The following LMAN2 variants were observed in gnomAD, a reference collection of about 807,000 sequenced individuals.
LMAN2 encodes the protein lectin, mannose binding 2, also known as vesicular integral-membrane protein VIP36.
In LMAN2, 22 loss-of-function variants were observed where a neutral mutation model predicts 39.3. The ratio of observed to expected loss-of-function variants is 0.56; its 90% CI spans 0.40 to 0.80. The LOEUF is 0.80. LMAN2 is among the 30% of genes least tolerant of loss of function. LMAN2 has a pLI of 0.00. For missense variants in LMAN2, 494 were observed against 505.4 expected, an observed-to-expected ratio of 0.98 and a Z score of 0.22; for synonymous variants, 207 against 207.8, an observed-to-expected ratio of 1.00 and a Z score of 0.03.
rs557912715 is a variant in LMAN2, at chr5:177,338,787, G to A, written c.316-182C>T. On this transcript the variant is annotated intron_variant, in intron 2 of 7. Coordinates refer to ENST00000303127, the MANE Select transcript of LMAN2 (RefSeq NM_006816.3). ...GACCCCTAAATGTTCTGGCCGTGAA[G>A]GGAAGAGACTGTTGGGCACCAGGTG... Among the ~76,000 whole-genome samples the A allele has an allele frequency of 2.6e-5, 4 of 152,368 alleles. No individual in the cohort carries two copies. In the South Asian group the frequency reaches 8.3e-4, roughly 32 times the overall value.
intron 2 of LMAN2, among the ~76,000 whole-genome samples, chr5:177,347,981 C>G (rs151154178): frequency 6.6e-6 from 1 of 152,040 alleles, no homozygotes; most frequent in African/African-American, 2.4e-5. Context: ...TTAAAAATAA[C>G]CCCATCTCCA....
chr5:177,348,728 A>ACAAAAAC (rs1761676246), intron 2 of LMAN2, among the ~76,000 whole-genome samples: 1 of 147,944 alleles, frequency 6.8e-6, no homozygotes, highest in African/African-American at 2.5e-5. Flanking sequence ...TACTAAAAAC[A>ACAAAAAC]CAAAAACTAG....
chr5:177,332,818 C>T lies in LMAN2; in HGVS notation c.911-572G>A, dbSNP rs891353659. ...CCACTGGTACGCTCCCTTGTACAGG[C>T]GGAGAGAAGACACTGACTTTCCCAA... On this transcript the variant is annotated intron_variant, in intron 7 of 7. Coordinates refer to ENST00000303127, the MANE Select transcript of LMAN2 (RefSeq NM_006816.3). The surrounding 1 kb of genome is among the most constrained non-coding windows in gnomAD (Gnocchi z 6.3). Among the ~76,000 whole-genome samples the T allele has an allele frequency of 6.6e-6, 1 of 152,168 alleles. No homozygotes were observed. The highest frequency in any genetic ancestry group is 2.4e-5 in the African/African-American group (1 of 41,444).
chr5:177,335,325 T>C (rs906527400), intron 6 of LMAN2, among the ~76,000 whole-genome samples: 4 of 152,184 alleles, frequency 2.6e-5, no homozygotes, highest in Admixed American at 2.0e-4. Context: ...AAAAATCCTT[T>C]CAGTTTTCAA....
At chr5:177,349,691 C>A (rs1372863892) in intron 2 of LMAN2, among the ~76,000 whole-genome samples, 1 of 152,158 alleles carries the variant, frequency 6.6e-6, no homozygotes, top group Admixed American at 6.5e-5. Context: ...ACTGTTTGCA[C>A]CTTGCTTTCA....
At chr5:177,348,423 A>G (rs1025329553) in intron 2 of LMAN2, among the ~76,000 whole-genome samples, 1 of 152,174 alleles carries the variant, frequency 6.6e-6, no homozygotes, top group African/African-American at 2.4e-5. Flanking sequence ...ACAGTGGCTC[A>G]CACCTGTAAT....
Position 177,337,877 on chromosome 5 carries a change from C to G in LMAN2, c.434-92G>C. The G allele has an allele frequency of 9.5e-7, 1 of 1,056,072 alleles. No homozygotes were observed. Among genetic ancestry groups the G allele is most frequent in the Non-Finnish European group, 1.4e-6 (1 of 696,690 alleles). The allele number at this position is 1,056,072 out of a possible 1,614,324, so 65.4% of individuals were successfully genotyped here. On this transcript the variant is annotated intron_variant, in intron 3 of 7. Coordinates refer to ENST00000303127, the MANE Select transcript of LMAN2 (RefSeq NM_006816.3). The surrounding 1 kb of genome is among the most constrained non-coding windows in gnomAD (Gnocchi z 8.2). The stretch of plus-strand genomic sequence containing the variant: ...CAAGCAATGCCAACATGGGTGGGGG[C>G]AAGAGAGCCCAACCCACTGGCCATT...
In LMAN2 at chr5:177,332,223, TC is replaced by T; in HGVS notation, c.933del (p.Asn312ThrfsTer7). 1 of 1,612,906 alleles carries T rather than the reference TC, an allele frequency of 6.2e-7. No individual in the cohort carries two copies. Among genetic ancestry groups the T allele is most frequent in the Non-Finnish European group, 8.5e-7 (1 of 1,179,768 alleles). Reference protein sequence around the residue: ...SPKDNVDDPTGNFRSGPLTGW... With the variant: ...SPKDNVDDPTXNFRSGPLTGW... The stretch of plus-strand genomic sequence containing the variant: ...CCCGTCAGGGGCCCGCTGCGGAAGT[TC>T]CCCGTGGGGTCGTCCACGTTGTCTG... On this transcript the variant is annotated frameshift_variant, in exon 8 of 8. Coordinates refer to ENST00000303127, the MANE Select transcript of LMAN2 (RefSeq NM_006816.3). LOFTEE classifies it high-confidence loss of function. This position sits in a 1 kb window ranked among gnomAD's most constrained non-coding sequence, Gnocchi z 6.3.
At chr5:177,333,853 C>T (rs1362520419) in intron 7 of LMAN2, among the ~76,000 whole-genome samples, 1 of 67,818 alleles carries the variant, frequency 1.5e-5, no homozygotes, top group South Asian at 4.2e-4. Flanking sequence ...ACCAGCAGCA[C>T]GACTTCTTCC....
At chr5:177,341,152 T>C (rs1420958637) in intron 2 of LMAN2, among the ~76,000 whole-genome samples, 1 of 149,550 alleles carries the variant, frequency 6.7e-6, no homozygotes, top group Non-Finnish European at 1.5e-5. Flanking sequence ...CTGCAACCTC[T>C]GCCTCCTGGG....
At chr5:177,348,976 A>G (rs946279543) in intron 2 of LMAN2, among the ~76,000 whole-genome samples, 8 of 152,168 alleles carry the variant, frequency 5.3e-5, no homozygotes, top group South Asian at 2.1e-4. Context: ...TAAAATGTCA[A>G]TATTTAAAAT....
chr5:177,346,460 T>C, intron 2 of LMAN2: 1 of 316,086 alleles, frequency 3.2e-6, no homozygotes, highest in Non-Finnish European at 5.5e-6. Flanking sequence ...TACCGGTTGT[T>C]GTTTTTTTTT....
chr5:177,342,981 C>T (rs768705847), intron 2 of LMAN2, among the ~76,000 whole-genome samples: 9 of 152,092 alleles, frequency 5.9e-5, no homozygotes, highest in Non-Finnish European at 8.8e-5. Context: ...AGGCCGGGCG[C>T]GGTGGCTCAT....
intron 6 of LMAN2, 191 bp from the exon 7 acceptor site, chr5:177,334,594 G>C (rs890277689): frequency 4.8e-6 from 3 of 628,844 alleles, no homozygotes; most frequent in Admixed American, 7.1e-5. Context: ...AAAAAGAGAG[G>C]AGGCAGAGTG....
intron 2 of LMAN2, among the ~76,000 whole-genome samples, chr5:177,342,366 T>C (rs1281777464): frequency 6.6e-6 from 1 of 151,848 alleles, no homozygotes; most frequent in South Asian, 2.1e-4. Flanking sequence ...AATAAGTATA[T>C]AAAGATCAGA....
At position 177,334,385 on chromosome 5, in the gene LMAN2, G is replaced by C. The variant is rs954570087; in HGVS notation, c.809C>G (p.Ser270Cys). ...GDLSDNHDII[S>C]MKLFQLMVEH... The stretch of plus-strand genomic sequence containing the variant: ...CACCATCAGCTGGAACAGCTTCATG[G>C]AGATGATGTCATGATTGTCTGCAGG... The change falls in exon 7 of 8, where the codon TCC becomes TGC. Residue 270 changes from serine to cysteine, a missense_variant. By Grantham distance (112) the Ser-to-Cys change is moderately radical. Transcript: ENST00000303127. 4 of 1,613,368 alleles carry C rather than the reference G, an allele frequency of 2.5e-6. No homozygotes were observed. The highest frequency in any genetic ancestry group is 3.4e-6 in the Non-Finnish European group (4 of 1,179,966).
chr5:177,333,951 G>A (rs1298837562), intron 7 of LMAN2, among the ~76,000 whole-genome samples: 1 of 152,200 alleles, frequency 6.6e-6, no homozygotes, highest in Non-Finnish European at 1.5e-5. Context: ...GAGGGAGGAT[G>A]CTGGCCCACC....
At chr5:177,347,625 A>C (rs998033161) in intron 2 of LMAN2, among the ~76,000 whole-genome samples, 1 of 152,206 alleles carries the variant, frequency 6.6e-6, no homozygotes, top group Non-Finnish European at 1.5e-5. Flanking sequence ...CACCAGGCCA[A>C]CTACATCAGA....
In LMAN2 at chr5:177,344,144, G is replaced by A. The variant is rs138633161; in HGVS notation, c.316-5539C>T. ...TAAGCAGGAGGATCACTGGACTCCA[G>A]GAGTTCGAGGCTGCAATGAGCTAGG... On this transcript the variant is annotated intron_variant, in intron 2 of 7. Transcript: ENST00000303127. Among the ~76,000 whole-genome samples the A allele has an allele frequency of 3.2e-3, 481 of 151,686 alleles. 2 individuals are homozygous for A. Among genetic ancestry groups the A allele is most frequent in the African/African-American group, 0.011 (459 of 41,332 alleles).
Sources: allele counts gnomAD v4.1 joint callset (sites outside exome capture counted in the v4.1 genomes callset), GRCh38; gene constraint gnomAD v4.1.1; non-coding constraint Gnocchi (gnomAD v3.1); transcripts MANE v1.5; gene names NCBI Gene and HGNC (gene_info 2026-07-23, HGNC 2026-07-21).